NRXN3: variants seen among roughly 807,000 people sequenced by gnomAD.
NRXN3 encodes neurexin III.
A neutral mutation model predicts 137.6 loss-of-function variants in NRXN3; 32 were observed. The ratio of observed to expected loss-of-function variants is 0.23; its 90% CI spans 0.18 to 0.31. The LOEUF (loss-of-function observed/expected upper bound fraction) is 0.31, where lower values mean the gene tolerates loss of function less well. NRXN3 is among the 10% of genes least tolerant of loss of function. The pLI is 1.00. For synonymous variants in NRXN3, 798 were observed against 784.5 expected, an observed-to-expected ratio of 1.02 and a Z score of -0.29; for missense variants, 1,574 against 2,062.5, an observed-to-expected ratio of 0.76 and a Z score of 4.59.
chr14:78,388,677 A>G (rs558413852), intron 4 of NRXN3, among the ~76,000 whole-genome samples: 3 of 152,292 alleles, frequency 2.0e-5, no homozygotes, highest in East Asian at 1.9e-4. Flanking sequence ...AATATTTACT[A>G]TCTAACCCTT....
chr14:78,508,069 T>C (rs2096028362), intron 4 of NRXN3, among the ~76,000 whole-genome samples: 1 of 152,102 alleles, frequency 6.6e-6, no homozygotes, highest in Non-Finnish European at 1.5e-5. Context: ...CTTGCCTCAT[T>C]AGGGAGGAAA....
At chr14:79,544,819 A>G (rs2097304248) in intron 16 of NRXN3, among the ~76,000 whole-genome samples, 1 of 152,206 alleles carries the variant, frequency 6.6e-6, no homozygotes, top group South Asian at 2.1e-4. Flanking sequence ...TTCCACAACT[A>G]TTGAATCAGA....
chr14:78,174,378 G>A (rs2059061533), intron 1 of NRXN3, among the ~76,000 whole-genome samples: 1 of 152,096 alleles, frequency 6.6e-6, no homozygotes. Context: ...AGAGGGCACT[G>A]CAGAATATCC....
intron 8 of NRXN3, among the ~76,000 whole-genome samples, chr14:78,749,736 T>TTCTA (rs1298674985): frequency 6.6e-6 from 1 of 152,212 alleles, no homozygotes; most frequent in African/African-American, 2.4e-5. Context: ...CCCTCTGGGC[T>TTCTA]TCTATCTCCC....
chr14:79,106,090 A>G (rs913799872), intron 15 of NRXN3, among the ~76,000 whole-genome samples: 6 of 152,058 alleles, frequency 3.9e-5, no homozygotes, highest in African/African-American at 1.2e-4. Flanking sequence ...AACGTTTTGA[A>G]TTAATCTCTC....
chr14:78,929,466 T>C (rs1276623575), intron 10 of NRXN3, among the ~76,000 whole-genome samples: 1 of 152,220 alleles, frequency 6.6e-6, no homozygotes, highest in East Asian at 1.9e-4. Flanking sequence ...TATTCAGTTT[T>C]CTGTTCCTGC....
At chr14:78,495,106 CTGTT>C (rs2095751280) in intron 4 of NRXN3, among the ~76,000 whole-genome samples, 1 of 128,412 alleles carries the variant, frequency 7.8e-6, no homozygotes, top group Admixed American at 8.5e-5. Flanking sequence ...TTTTGTCAAA[CTGTT>C]TGTATATGTG....
intron 4 of NRXN3, among the ~76,000 whole-genome samples, chr14:78,447,302 A>T (rs567929655): frequency 1.3e-5 from 2 of 152,356 alleles, no homozygotes; most frequent in Admixed American, 1.3e-4. Flanking sequence ...GCATAGTATG[A>T]TTATGCTGCA....
In NRXN3 at chr14:79,544,082, A is replaced by AAAAAAT. The variant is rs543984941; in HGVS notation, c.3444+76700_3444+76705dup. ...GTGAAAATAAATACAAAATTTAGGC[A>AAAAAAT]AAAAATAAAAATAAAAATAAAAATA... On this transcript the variant is annotated intron_variant, in intron 16 of 20. Transcript: ENST00000335750. Among the ~76,000 whole-genome samples the AAAAAAT allele has an allele frequency of 7.4e-4, 113 of 152,328 alleles. No individual in the cohort carries two copies. The Middle Eastern group carries it at 0.017, about 23-fold the overall frequency.
chr14:78,765,856 T>C (rs1336537789), intron 8 of NRXN3, among the ~76,000 whole-genome samples: 1 of 152,186 alleles, frequency 6.6e-6, no homozygotes, highest in Non-Finnish European at 1.5e-5. Flanking sequence ...TCCATATCTA[T>C]AGACTGCATA....
intron 4 of NRXN3, among the ~76,000 whole-genome samples, chr14:78,453,515 G>A (rs957144320): frequency 2.6e-5 from 4 of 152,206 alleles, no homozygotes; most frequent in African/African-American, 9.6e-5. Context: ...ACATAAGAGA[G>A]CATCCCACTC....
At chr14:79,624,461 A>G (rs1317830505) in intron 16 of NRXN3, among the ~76,000 whole-genome samples, 1 of 152,168 alleles carries the variant, frequency 6.6e-6, no homozygotes, top group African/African-American at 2.4e-5. Context: ...ATATGTATAC[A>G]TAGTGAAATT....
chr14:78,845,370 C>T (rs533746732), intron 10 of NRXN3, among the ~76,000 whole-genome samples: 13 of 152,092 alleles, frequency 8.5e-5, no homozygotes, highest in Middle Eastern at 3.4e-3. Flanking sequence ...TGAATAACAA[C>T]GTAATTTAAG....
In NRXN3 at chr14:78,384,162, C is replaced by A. The variant is rs1000738274; in HGVS notation, c.757+86302C>A. On this transcript the variant is annotated intron_variant, in intron 4 of 20. Transcript: ENST00000335750. ...ACCAATGGGACTTTGGAGGACTAGG[C>A]AGAAGGAGGAACCTGGCCAGATCTC... Among the ~76,000 whole-genome samples the A allele has an allele frequency of 2.6e-5, 4 of 152,136 alleles. No homozygotes were observed. In the East Asian group the frequency reaches 7.7e-4, roughly 29 times the overall value.
At chr14:78,887,973 C>A (rs1020837452) in intron 10 of NRXN3, among the ~76,000 whole-genome samples, 3 of 151,984 alleles carry the variant, frequency 2.0e-5, no homozygotes, top group Admixed American at 6.6e-5. Context: ...GGCCTCTGGG[C>A]CGTCTTTATT....
chr14:79,534,399 G>A (rs1480784098), intron 16 of NRXN3, among the ~76,000 whole-genome samples: 1 of 152,124 alleles, frequency 6.6e-6, no homozygotes. Context: ...ATTAAAAGAG[G>A]TTTTATATCT....
At chr14:78,854,853 C>T (rs1004167548) in intron 10 of NRXN3, among the ~76,000 whole-genome samples, 18 of 152,126 alleles carry the variant, frequency 1.2e-4, no homozygotes, top group Admixed American at 3.9e-4. Context: ...GGGTGGATCA[C>T]GAGGTCAAGA....
chr14:78,415,966 ACT>A (rs2153669860), intron 4 of NRXN3, among the ~76,000 whole-genome samples: 1 of 152,082 alleles, frequency 6.6e-6, no homozygotes, highest in Admixed American at 6.5e-5. Context: ...CATCTGCTGT[ACT>A]CTGTTATAGC....
At chr14:79,573,276 C>T (rs180933549) in intron 16 of NRXN3, among the ~76,000 whole-genome samples, 50 of 152,000 alleles carry the variant, frequency 3.3e-4, no homozygotes, top group Admixed American at 1.3e-3. Context: ...AATCGAAATG[C>T]CTAAAGGAAT....
Sources: allele counts gnomAD v4.1 joint callset (sites outside exome capture counted in the v4.1 genomes callset), GRCh38; gene constraint gnomAD v4.1.1; transcripts MANE v1.5; gene names NCBI Gene and HGNC (gene_info 2026-07-23, HGNC 2026-07-21).